TMTC1: variants seen among roughly 807,000 people sequenced by gnomAD.
TMTC1 encodes the protein protein O-mannosyl-transferase TMTC1.
In TMTC1, 73 loss-of-function variants were observed where a neutral mutation model predicts 104.8. The ratio of observed to expected loss-of-function variants is 0.70; its 90% confidence interval spans 0.58 to 0.85. The LOEUF (loss-of-function observed/expected upper bound fraction) is 0.85, where lower values mean the gene tolerates loss of function less well. Ranked by LOEUF, TMTC1 falls within the 40% of genes least tolerant of loss-of-function variation. The pLI, the probability that TMTC1 is intolerant of heterozygous loss-of-function variation, is 0.00. For synonymous variants in TMTC1, 434 were observed against 428.7 expected (o/e 1.01, Z -0.15); for missense variants, 1,035 against 1,096.1 (o/e 0.94, Z 0.79).
intron 7 of TMTC1, among the ~76,000 whole-genome samples, chr12:29,591,928 C>CAAAAG (rs1555173395): frequency 8.5e-5 from 13 of 152,160 alleles, no homozygotes; most frequent in African/African-American, 2.7e-4. Context: ...CAAAACAAAA[C>CAAAAG]AAAACACTTC....
chr12:29,647,495 AGGGGCTATAACG>A (rs1431135803), intron 5 of TMTC1, among the ~76,000 whole-genome samples: 1 of 151,964 alleles, frequency 6.6e-6, no homozygotes, highest in Non-Finnish European at 1.5e-5. Context: ...GCCCCATGTT[AGGGGCTATAACG>A]GATGCAACAT....
In TMTC1 at chr12:29,695,793, T is replaced by TTATATATATATATATATATATATATATA. The variant is rs113135039; in HGVS notation, c.938+55845_938+55872dup. On this transcript the variant is annotated intron_variant, in intron 5 of 17. Coordinates refer to ENST00000539277, the MANE Select transcript of TMTC1 (RefSeq NM_001193451.2). The stretch of plus-strand genomic sequence containing the variant: ...TCACAAATTTTAAACTACTTCCTTT[T>TTATATATATATATATATATATATATATA]TATATATATATATATATATATATAT... 1.8e-4 allele frequency among the ~76,000 whole-genome samples: 15 copies of TTATATATATATATATATATATATATATA among 83,786 alleles called. 1 individual carries two copies. The highest frequency in any genetic ancestry group is 3.0e-4 in the Non-Finnish European group (11 of 37,130). The allele number at this position is 83,786 out of a possible 152,430, so 55.0% of individuals were successfully genotyped here.
At chr12:29,538,100 C>T (rs977709723) in intron 10 of TMTC1, among the ~76,000 whole-genome samples, 1 of 152,148 alleles carries the variant, frequency 6.6e-6, no homozygotes, top group Non-Finnish European at 1.5e-5. Flanking sequence ...AGGTATAACA[C>T]CCATGTCCTT....
chr12:29,560,984 T>C (rs1945362811), intron 9 of TMTC1, among the ~76,000 whole-genome samples: 1 of 152,178 alleles, frequency 6.6e-6, no homozygotes, highest in African/African-American at 2.4e-5. Context: ...CATTGTCTCA[T>C]TTACCCTTCA....
intron 11 of TMTC1, chr12:29,533,737 T>A (rs1286218839): frequency 6.6e-6 from 1 of 151,972 alleles, no homozygotes; most frequent in African/African-American, 2.4e-5. Flanking sequence ...GTTTGCCAAC[T>A]GAAAGAGCTG....
At chr12:29,578,234 ACAC>A (rs1359933319) in intron 8 of TMTC1, among the ~76,000 whole-genome samples, 4 of 151,964 alleles carry the variant, frequency 2.6e-5, no homozygotes. Flanking sequence ...TCCTAAGAAC[ACAC>A]TGCTTTTTCC....
intron 5 of TMTC1, among the ~76,000 whole-genome samples, chr12:29,651,042 G>A (rs1038132031): frequency 6.6e-6 from 1 of 152,158 alleles, no homozygotes; most frequent in Admixed American, 6.5e-5. Flanking sequence ...GCACACGGGG[G>A]GCTACGCTTT....
intron 5 of TMTC1, among the ~76,000 whole-genome samples, chr12:29,686,431 G>A (rs547692360): frequency 1.3e-5 from 2 of 152,322 alleles, no homozygotes; most frequent in Admixed American, 6.5e-5. Context: ...AACATGAAGA[G>A]GGAGTGAGGG....
At chr12:29,507,100 T>C (rs1441003408) in intron 17 of TMTC1, 114 bp from the exon 18 acceptor site, 2 of 843,854 alleles carry the variant, frequency 2.4e-6, no homozygotes, top group Non-Finnish European at 3.8e-6. Flanking sequence ...TGTTCTCATA[T>C]GGAAACTCTG....
In TMTC1 at chr12:29,583,516, G is replaced by A. The variant is rs1457498814; in HGVS notation, c.1309C>T (p.Arg437Ter). 3 of 1,613,800 alleles carry A rather than the reference G, an allele frequency of 1.9e-6. No homozygotes were observed. The highest frequency in any genetic ancestry group is 2.2e-5 in the East Asian group (1 of 44,822). ...GLSKLCTWLN[R>*]CGATTLIVST... ...ACAATCAGGGTGGTGGCCCCACATC[G>A]ATTCAGCCAAGTGCAGAGCTTGCTC... Residue 437 changes from arginine to a stop codon, truncating the protein, a stop_gained, in exon 8 of 18, where the codon CGA becomes TGA. Transcript: ENST00000539277. LOFTEE classifies it high-confidence loss of function.
rs1168923595 is a variant in TMTC1, at chr12:29,504,986, T to A, written c.*1860A>T. Reference sequence around the variant, plus strand: ...AATAGTTCTTAATTAAGGTTGTGGATACATTTATGTTATATAACATGAAAA... The same window carrying A: ...AATAGTTCTTAATTAAGGTTGTGGAAACATTTATGTTATATAACATGAAAA... On this transcript the variant is annotated 3_prime_UTR_variant, in exon 18 of 18. Transcript: ENST00000539277. The A allele has an allele frequency of 6.6e-6, 1 of 152,184 alleles. No homozygotes were observed. Among genetic ancestry groups the A allele is most frequent in the East Asian group, 1.9e-4 (1 of 5,196 alleles). 9.4% of individuals were successfully genotyped at this position (152,184 alleles called of 1,614,324 possible).
At chr12:29,510,643 T>G (rs1440814872) in intron 17 of TMTC1, among the ~76,000 whole-genome samples, 1 of 152,180 alleles carries the variant, frequency 6.6e-6, no homozygotes, top group African/African-American at 2.4e-5. Context: ...GTCATCTTTT[T>G]TGTGTGTGTT....
intron 5 of TMTC1, among the ~76,000 whole-genome samples, chr12:29,698,201 G>C (rs1281472002): frequency 3.9e-5 from 6 of 152,172 alleles, no homozygotes; most frequent in African/African-American, 1.4e-4. Flanking sequence ...CATCTGGACA[G>C]ATTTCGTCAC....
intron 5 of TMTC1, among the ~76,000 whole-genome samples, chr12:29,668,702 C>A (rs996298526): frequency 2.0e-5 from 3 of 152,108 alleles, no homozygotes; most frequent in Non-Finnish European, 2.9e-5. Context: ...CTCAGGTGAT[C>A]CACCCACCTT....
intron 9 of TMTC1, among the ~76,000 whole-genome samples, chr12:29,568,171 T>C (rs1393293970): frequency 6.6e-6 from 1 of 152,202 alleles, no homozygotes; most frequent in African/African-American, 2.4e-5. Context: ...CCCCTTCCCA[T>C]GTGTTAGGCA....
intron 9 of TMTC1, among the ~76,000 whole-genome samples, chr12:29,559,921 A>T (rs540198247): frequency 1.3e-5 from 2 of 152,142 alleles, no homozygotes; most frequent in Admixed American, 6.5e-5. Context: ...AAAAATATCT[A>T]AAAAAAAGAA....
intron 5 of TMTC1, among the ~76,000 whole-genome samples, chr12:29,681,410 C>T (rs1372643209): frequency 6.6e-6 from 1 of 152,102 alleles, no homozygotes; most frequent in Non-Finnish European, 1.5e-5. Flanking sequence ...TCAACCAATA[C>T]TGAAATAACG....
chr12:29,708,845 T>C (rs1941822882), intron 5 of TMTC1, among the ~76,000 whole-genome samples: 1 of 152,182 alleles, frequency 6.6e-6, no homozygotes, highest in African/African-American at 2.4e-5. Context: ...AGCTTTGCAG[T>C]TGAAATGAGC....
At position 29,536,415 on chromosome 12, in the gene TMTC1, AG is replaced by A. The variant is rs1458438432; in HGVS notation, c.1677-99del. The A allele has an allele frequency of 3.9e-6, 3 of 772,932 alleles. No individual in the cohort carries two copies. The Admixed American group carries it at 7.7e-5, about 20-fold the overall frequency. 47.9% of individuals were successfully genotyped at this position (772,932 alleles called of 1,614,324 possible). Reference sequence around the variant, plus strand: ...CTAAAAATCTCATTTCTTTTAGCAAAGGTTAGCTGATTCACTCTGGATTTAT... The same window carrying A: ...CTAAAAATCTCATTTCTTTTAGCAAAGTTAGCTGATTCACTCTGGATTTAT... On this transcript the variant is annotated intron_variant, in intron 10 of 17. Transcript: ENST00000539277.
Sources: allele counts gnomAD v4.1 joint callset (sites outside exome capture counted in the v4.1 genomes callset), GRCh38; gene constraint gnomAD v4.1.1; transcripts MANE v1.5; gene names NCBI Gene and HGNC (gene_info 2026-07-23, HGNC 2026-07-21).